Variants in ZNF597 observed in about 807,000 individuals in gnomAD.
ZNF597 encodes zinc finger protein 597.
In ZNF597, 5 loss-of-function variants were observed where a neutral mutation model predicts 7.3. The ratio of observed to expected loss-of-function variants is 0.68; its 90% CI spans 0.36 to 1.44. The LOEUF (loss-of-function observed/expected upper bound fraction) is 1.44. Ranked by LOEUF, ZNF597 falls within the 40% of genes most tolerant of loss-of-function variation. The pLI, the probability that ZNF597 is intolerant of heterozygous loss-of-function variation, is 0.04. For missense variants in ZNF597, 585 were observed against 517.9 expected, an observed-to-expected ratio of 1.13 and a Z score of -1.26; for synonymous variants, 209 against 185.4, an observed-to-expected ratio of 1.13 and a Z score of -1.04.
rs770376387 is a variant in ZNF597 at position 3,436,863 on chromosome 16, T to A, written c.836A>T (p.Glu279Val). Reference sequence around the variant, plus strand: ...CTCAGGCAAAGCAAGATTTGGTTTCTCATTAAAATGTTTATCACAGTTAGT... The same window carrying A: ...CTCAGGCAAAGCAAGATTTGGTTTCACATTAAAATGTTTATCACAGTTAGT... ...ESTNCDKHFN[E>V]KPNLALPEET... Residue 279 changes from glutamate to valine, a missense_variant, in exon 4 of 4, where the codon GAG (glutamate) becomes GTG (valine). Coordinates refer to ENST00000301744, the MANE Select transcript of ZNF597 (RefSeq NM_152457.3). 4 of 1,614,100 alleles carry A rather than the reference T, an allele frequency of 2.5e-6. No homozygotes were observed. Among genetic ancestry groups the A allele is most frequent in the Non-Finnish European group, 2.5e-6 (3 of 1,180,052 alleles).
At position 3,436,597 on chromosome 16, in the gene ZNF597, G is replaced by C; in HGVS notation, c.1102C>G (p.Pro368Ala). 6.2e-7 allele frequency: 1 copy of C among 1,607,176 alleles called. No individual in the cohort carries two copies. The highest frequency in any genetic ancestry group is 1.7e-4 in the Middle Eastern group (1 of 6,056). ...TCCTCGCATGTTTTGCACTTATGGG[G>C]CCTTTCCTCTGTATGAATGTTCTGA... is the stretch of plus-strand genomic sequence containing the variant. ...SHQNIHTEERPHKCKTCEESF... is the reference protein window; with the variant it reads ...SHQNIHTEERAHKCKTCEESF... The change falls in exon 4 of 4, where the codon CCC becomes GCC. Residue 368 changes from proline (P) to alanine (A), a missense_variant. Physicochemically the swap from Pro to Ala is conservative, Grantham distance 27. Coordinates refer to ENST00000301744, the MANE Select transcript of ZNF597 (RefSeq NM_152457.3).
At position 3,435,005 on chromosome 16, in the gene ZNF597, T is replaced by C. The variant is rs566424648; in HGVS notation, c.*1419A>G. 6.6e-6 allele frequency: 1 copy of C among 152,312 alleles called. No homozygotes were observed. Among genetic ancestry groups the C allele is most frequent in the African/African-American group, 2.4e-5 (1 of 41,574 alleles). The allele number at this position is 152,312 out of a possible 1,614,324, so 9.4% of individuals were successfully genotyped here. ...TTAATAACCATACCATTTAATAATATTTTGCTCCAGTATTTATCTATAATA... is the reference window on the plus strand; with the variant it reads ...TTAATAACCATACCATTTAATAATACTTTGCTCCAGTATTTATCTATAATA... On this transcript the variant is annotated 3_prime_UTR_variant, in exon 4 of 4. Coordinates refer to ENST00000301744, the MANE Select transcript of ZNF597 (RefSeq NM_152457.3).
intron 2 of ZNF597, among the ~76,000 whole-genome samples, chr16:3,441,181 C>T (rs932744957): frequency 1.3e-5 from 2 of 152,174 alleles, no homozygotes; most frequent in African/African-American, 4.8e-5. Flanking sequence ...GAATTATTGT[C>T]TATCTTGAAA....
Position 3,434,873 on chromosome 16 carries a change from C to T in ZNF597, c.*1551G>A, listed in dbSNP as rs2034285546. Reference sequence around the variant, plus strand: ...AAATAGAATGAGAGCATTCTTCCATCCTAATCAAAACCCATGTAAATATTG... The same window carrying T: ...AAATAGAATGAGAGCATTCTTCCATTCTAATCAAAACCCATGTAAATATTG... On this transcript the variant is annotated 3_prime_UTR_variant, in exon 4 of 4. Coordinates refer to ENST00000301744, the MANE Select transcript of ZNF597 (RefSeq NM_152457.3). 1 of 152,170 alleles carries T rather than the reference C, an allele frequency of 6.6e-6. No individual in the cohort carries two copies. The highest frequency in any genetic ancestry group is 1.5e-5 in the Non-Finnish European group (1 of 68,032). 9.4% of individuals were successfully genotyped at this position (152,170 alleles called of 1,614,324 possible).
Position 3,437,192 on chromosome 16 carries a change from T to G in ZNF597, c.507A>C (p.Ser169=). 6.2e-7 allele frequency: 1 copy of G among 1,614,234 alleles called. No homozygotes were observed. Among genetic ancestry groups the G allele is most frequent in the Non-Finnish European group, 8.5e-7 (1 of 1,180,042 alleles). The part of the protein sequence containing the change: ...PECDQNFSDH[S]YLVLHQKIHS... Reference sequence around the variant, plus strand: ...GAATTTTCTGATGCAAAACTAGGTATGAATGATCGCTGAAGTTTTGGTCAC... The same window carrying G: ...GAATTTTCTGATGCAAAACTAGGTAGGAATGATCGCTGAAGTTTTGGTCAC... The change falls in exon 4 of 4, where the codon TCA becomes TCC. Residue 169 remains serine (S), a synonymous_variant. Coordinates refer to ENST00000301744, the MANE Select transcript of ZNF597 (RefSeq NM_152457.3).
chr16:3,435,647 A>T lies in ZNF597; in HGVS notation c.*777T>A, dbSNP rs2034293313. 1 of 152,204 alleles carries T rather than the reference A, an allele frequency of 6.6e-6. No homozygotes were observed. The highest frequency in any genetic ancestry group is 1.9e-4 in the East Asian group (1 of 5,200). 9.4% of individuals were successfully genotyped at this position (152,204 alleles called of 1,614,324 possible). The stretch of plus-strand genomic sequence containing the variant: ...AGCATGCTCACTGAGAAACAATTAC[A>T]ATTATTCATAGTAAGACAGGTAATG... On this transcript the variant is annotated 3_prime_UTR_variant, in exon 4 of 4. Transcript: ENST00000301744.
rs944156024 is a variant in ZNF597, at chr16:3,437,628, C to T, written c.161-90G>A. 5 of 1,466,122 alleles carry T rather than the reference C, an allele frequency of 3.4e-6. No individual in the cohort carries two copies. In the African/African-American group the frequency reaches 5.7e-5, roughly 17 times the overall value. 90.8% of individuals were successfully genotyped at this position (1,466,122 alleles called of 1,614,324 possible). Reference sequence around the variant, plus strand: ...TAAGCTAAGGTAGTTACAAACAGGACCAGGAAACCTTAGAAGGGTTATTCT... The same window carrying T: ...TAAGCTAAGGTAGTTACAAACAGGATCAGGAAACCTTAGAAGGGTTATTCT... On this transcript the variant is annotated intron_variant, in intron 3 of 3. Transcript: ENST00000301744.
chr16:3,434,132 T>A lies in ZNF597; in HGVS notation c.*2292A>T, dbSNP rs764403400. On this transcript the variant is annotated 3_prime_UTR_variant, in exon 4 of 4. Transcript: ENST00000301744. ...AAAATGACAGCATACATCTTTTATA[T>A]CACCCCCATTCTGTCCAAGTGCCTT... 6.6e-6 allele frequency: 1 copy of A among 152,248 alleles called. No homozygotes were observed. The highest frequency in any genetic ancestry group is 1.5e-5 in the Non-Finnish European group (1 of 68,044). 9.4% of individuals were successfully genotyped at this position (152,248 alleles called of 1,614,324 possible).
chr16:3,441,373 A>C (rs1040664965), intron 2 of ZNF597, among the ~76,000 whole-genome samples: 1 of 152,072 alleles, frequency 6.6e-6, no homozygotes, highest in Non-Finnish European at 1.5e-5. Flanking sequence ...AATATGGTGA[A>C]ACCCTGTCTC....
Position 3,436,702 on chromosome 16 carries a change from A to G in ZNF597, c.997T>C (p.Phe333Leu). ...ERCSDDGDNF[F>L]SFSKFKPLQC... ...AAGGGCTTGAATTTTGAGAATGAGAAGAAATTGTCCCCATCATCGCTGCAG... is the reference window on the plus strand; with the variant it reads ...AAGGGCTTGAATTTTGAGAATGAGAGGAAATTGTCCCCATCATCGCTGCAG... The change falls in exon 4 of 4, where the codon TTC becomes CTC. Residue 333 changes from phenylalanine (F) to leucine (L), a missense_variant. Transcript: ENST00000301744. 1.9e-6 allele frequency: 3 copies of G among 1,614,156 alleles called. No individual in the cohort carries two copies. The highest frequency in any genetic ancestry group is 2.5e-6 in the Non-Finnish European group (3 of 1,180,026).
intron 3 of ZNF597, among the ~76,000 whole-genome samples, chr16:3,439,870 T>C (rs954940700): frequency 2.6e-5 from 4 of 151,928 alleles, no homozygotes; most frequent in African/African-American, 9.7e-5. Context: ...ATGTTAAAAC[T>C]AGCAAGAAAA....
chr16:3,439,962 G>A (rs1254757628), intron 3 of ZNF597, among the ~76,000 whole-genome samples: 2 of 151,988 alleles, frequency 1.3e-5, no homozygotes, highest in Non-Finnish European at 2.9e-5. Context: ...AGAGAGAAGT[G>A]GAAGAAACAA....
chr16:3,442,005 G>A (rs1037959306), intron 2 of ZNF597, among the ~76,000 whole-genome samples: 6 of 149,586 alleles, frequency 4.0e-5, no homozygotes, highest in Non-Finnish European at 8.9e-5. Flanking sequence ...GAAAAGAAAA[G>A]GAGAAAGTTG....
At chr16:3,437,803 A>C (rs1279813063) in intron 3 of ZNF597, among the ~76,000 whole-genome samples, 1 of 152,208 alleles carries the variant, frequency 6.6e-6, no homozygotes. Flanking sequence ...GGACAATCTC[A>C]GTAGCAGCTA....
chr16:3,442,990 G>T, intron 2 of ZNF597, 131 bp downstream of exon 2: 3 of 1,064,602 alleles, frequency 2.8e-6, no homozygotes, highest in African/African-American at 1.6e-5. Context: ...AAGAACACTT[G>T]GTCAAAGGGC....
At chr16:3,438,576 A>G (rs1240287512) in intron 3 of ZNF597, among the ~76,000 whole-genome samples, 2 of 151,950 alleles carry the variant, frequency 1.3e-5, no homozygotes, top group East Asian at 3.9e-4. Context: ...AAAAAATAAT[A>G]ATAATAATTA....
Position 3,436,233 on chromosome 16 carries a change from A to T in ZNF597, c.*191T>A. The T allele has an allele frequency of 1.6e-6, 1 of 613,794 alleles. No homozygotes were observed. The highest frequency in any genetic ancestry group is 2.8e-6 in the Non-Finnish European group (1 of 356,826). 38.0% of individuals were successfully genotyped at this position (613,794 alleles called of 1,614,324 possible). ...CCTGGGTTCATTCACTAGTTTAGTG[A>T]CACGGATTTTGCATCCCTACTTATA... On this transcript the variant is annotated 3_prime_UTR_variant, in exon 4 of 4. Transcript: ENST00000301744.
In ZNF597 at chr16:3,440,838, T is replaced by C. The variant is rs1457597884; in HGVS notation, c.129A>G (p.Thr43=). ...PAQRSLSKDG[T]KESLEDAALM... ...AAGCCGCATCCTCCAAAGACTCTTT[T>C]GTACCATCTTTGCTGAGGGACCTCT... is the stretch of plus-strand genomic sequence containing the variant. The change falls in exon 3 of 4, where the codon ACA becomes ACG. Residue 43 remains threonine, a synonymous_variant. Coordinates refer to ENST00000301744, the MANE Select transcript of ZNF597 (RefSeq NM_152457.3). 2 of 1,614,074 alleles carry C rather than the reference T, an allele frequency of 1.2e-6. No homozygotes were observed. The highest frequency in any genetic ancestry group is 8.5e-7 in the Non-Finnish European group (1 of 1,179,956).
chr16:3,442,943 G>T (rs1045819651), intron 2 of ZNF597, among the ~76,000 whole-genome samples, 178 bp downstream of exon 2: 1 of 152,178 alleles, frequency 6.6e-6, no homozygotes, highest in African/African-American at 2.4e-5. Flanking sequence ...CTGAAAGAAG[G>T]AAGTTGGTAA....
Sources: allele counts gnomAD v4.1 joint callset (sites outside exome capture counted in the v4.1 genomes callset), GRCh38; gene constraint gnomAD v4.1.1; transcripts MANE v1.5; gene names NCBI Gene and HGNC (gene_info 2026-07-23, HGNC 2026-07-21).